The following ZNF385D variants were observed in gnomAD, a reference collection of about 807,000 sequenced individuals.
ZNF385D encodes the protein zinc finger protein 385D.
A neutral mutation model predicts 35.8 loss-of-function variants in ZNF385D; 15 were observed. The observed-to-expected ratio is 0.42, with a 90% CI of 0.28 to 0.64. The LOEUF is 0.64. ZNF385D is among the 30% of genes least tolerant of loss of function. The pLI, the probability that ZNF385D is intolerant of heterozygous loss-of-function variation, is 0.23. For synonymous variants in ZNF385D, 212 were observed against 186.8 expected, an observed-to-expected ratio of 1.13 and a Z score of -1.10; for missense variants, 474 against 494.6, an observed-to-expected ratio of 0.96 and a Z score of 0.39.
At chr3:21,803,255 G>A (rs1489524158) in intron 3 of ZNF385D, among the ~76,000 whole-genome samples, 1 of 152,078 alleles carries the variant, frequency 6.6e-6, no homozygotes, top group African/African-American at 2.4e-5. Context: ...AAAAGATAAA[G>A]GAAGGAAAAC....
At chr3:21,550,736 C>A (rs143636671) in intron 3 of ZNF385D, among the ~76,000 whole-genome samples, 5,182 of 152,274 alleles carry the variant, frequency 0.034, 124 homozygotes, top group South Asian at 0.083. Flanking sequence ...CTGCCCCTGC[C>A]TCCCAAAGTG....
chr3:22,020,522 A>T (rs914671861), intron 3 of ZNF385D, among the ~76,000 whole-genome samples: 11 of 151,968 alleles, frequency 7.2e-5, no homozygotes, highest in African/African-American at 2.7e-4. Flanking sequence ...CAGGTATATG[A>T]AAAAAATGTA....
intron 3 of ZNF385D, among the ~76,000 whole-genome samples, chr3:21,936,457 C>T (rs1046333579): frequency 6.6e-6 from 1 of 151,060 alleles, no homozygotes; most frequent in Admixed American, 6.6e-5. Context: ...ATACTATTTT[C>T]CCTTACTGTT....
intron 2 of ZNF385D, among the ~76,000 whole-genome samples, chr3:21,615,322 C>T (rs531670507): frequency 6.6e-6 from 1 of 151,800 alleles, no homozygotes; most frequent in South Asian, 2.1e-4. Context: ...TCCCGAGGCC[C>T]TCATCAGAAG....
intron 2 of ZNF385D, among the ~76,000 whole-genome samples, chr3:22,215,175 G>A (rs1697789557): frequency 6.6e-6 from 1 of 151,846 alleles, no homozygotes; most frequent in African/African-American, 2.4e-5. Flanking sequence ...CGCCCATGTG[G>A]TCTTTCTTAA....
rs879833293 is a variant in ZNF385D at position 22,244,822 on chromosome 3, A to AT, written c.107-75788dup. 1.4e-3 allele frequency among the ~76,000 whole-genome samples: 207 copies of AT among 148,790 alleles called. 9 individuals carry two copies. The highest frequency in any genetic ancestry group is 3.8e-3 in the South Asian group (17 of 4,516). On this transcript the variant is annotated intron_variant, in intron 2 of 5. Coordinates refer to the ZNF385D transcript ENST00000494108. ...TATTTTGGGGGAATTTTTTTCCTTG[A>AT]TTTTTTTTTTCTCATCTGCTATACA...
chr3:21,997,866 CGCGCGCGTGTGT>C lies in ZNF385D; in HGVS notation c.325+170939_325+170950del, dbSNP rs1486257266. ...TTGATGTTGCTATTTGGCGCGCGCG[CGCGCGCGTGTGT>C]GTGTGTGTGTGTGTGTGTGTGTGTG... is the stretch of plus-strand genomic sequence containing the variant. On this transcript the variant is annotated intron_variant, in intron 3 of 5. Transcript: ENST00000494108. Among the ~76,000 whole-genome samples, 376 of 97,842 alleles carry C rather than the reference CGCGCGCGTGTGT, an allele frequency of 3.8e-3. 1 individual carries two copies. Among genetic ancestry groups the C allele is most frequent in the African/African-American group, 0.012 (352 of 29,330 alleles). The allele number at this position is 97,842 out of a possible 152,430, so 64.2% of individuals were successfully genotyped here. A position where few individuals can be genotyped will look rare whatever the true frequency, so the allele number is the denominator to read the frequency against.
chr3:21,934,728 G>C (rs1206712565), intron 3 of ZNF385D, among the ~76,000 whole-genome samples: 1 of 152,170 alleles, frequency 6.6e-6, no homozygotes, highest in Non-Finnish European at 1.5e-5. Flanking sequence ...CTTCAGTTAA[G>C]GATTAATTAA....
chr3:21,566,544 C>G (rs565572350), intron 2 of ZNF385D, among the ~76,000 whole-genome samples: 1 of 152,060 alleles, frequency 6.6e-6, no homozygotes, highest in Non-Finnish European at 1.5e-5. Context: ...GCAGGAGAAT[C>G]GCTTGAACCC....
intron 3 of ZNF385D, among the ~76,000 whole-genome samples, chr3:22,091,687 C>A (rs1309651726): frequency 6.6e-6 from 1 of 152,164 alleles, no homozygotes; most frequent in African/African-American, 2.4e-5. Flanking sequence ...ACAGAGCCCC[C>A]CGACTGAAGG....
intron 3 of ZNF385D, among the ~76,000 whole-genome samples, chr3:21,540,367 A>G (rs2062143475): frequency 1.3e-5 from 2 of 152,224 alleles, no homozygotes; most frequent in South Asian, 4.1e-4. Flanking sequence ...GCCTTGAAGG[A>G]AAATGCTTTT....
At chr3:21,475,214 A>G (rs1282306216) in intron 4 of ZNF385D, among the ~76,000 whole-genome samples, 2 of 152,016 alleles carry the variant, frequency 1.3e-5, no homozygotes, top group Non-Finnish European at 2.9e-5. Context: ...GGTTTTTGCC[A>G]TTAAAAGTAA....
intron 3 of ZNF385D, among the ~76,000 whole-genome samples, chr3:21,764,431 C>G (rs1210929225): frequency 6.6e-6 from 1 of 152,120 alleles, no homozygotes; most frequent in Non-Finnish European, 1.5e-5. Context: ...GGAAATAAAG[C>G]TCTCGTATAA....
chr3:21,437,276 T>C (rs972895426), intron 4 of ZNF385D, 73 bp from the exon 5 acceptor site: 1 of 1,377,250 alleles, frequency 7.3e-7, no homozygotes, highest in African/African-American at 1.4e-5. Context: ...GAATGTATCA[T>C]GAATATTGCA....
At chr3:22,121,134 C>A (rs1233428545) in intron 3 of ZNF385D, among the ~76,000 whole-genome samples, 1 of 152,182 alleles carries the variant, frequency 6.6e-6, no homozygotes, top group Non-Finnish European at 1.5e-5. Context: ...ATTTTATCAA[C>A]TTCATCAGTA....
chr3:21,781,088 G>A (rs2071471316), intron 3 of ZNF385D, among the ~76,000 whole-genome samples: 1 of 152,056 alleles, frequency 6.6e-6, no homozygotes, highest in Non-Finnish European at 1.5e-5. Flanking sequence ...AGATGGAGAA[G>A]CTAGGAGATA....
At chr3:21,596,505 G>A (rs114830150) in intron 2 of ZNF385D, among the ~76,000 whole-genome samples, 4 of 152,034 alleles carry the variant, frequency 2.6e-5, no homozygotes, top group South Asian at 2.1e-4. Flanking sequence ...AAGCCAAGGG[G>A]TGCAAGTAGT....
intron 3 of ZNF385D, among the ~76,000 whole-genome samples, chr3:22,124,975 T>C (rs1005487861): frequency 3.3e-5 from 5 of 152,128 alleles, no homozygotes; most frequent in Non-Finnish European, 7.4e-5. Context: ...TGGGGTATTA[T>C]TCAAGAAATA....
At chr3:22,076,081 C>T (rs576904626) in intron 3 of ZNF385D, among the ~76,000 whole-genome samples, 10 of 151,972 alleles carry the variant, frequency 6.6e-5, no homozygotes, top group African/African-American at 2.2e-4. Flanking sequence ...ATTTTTTTTA[C>T]GTAGACTATC....
Sources: allele counts gnomAD v4.1 joint callset (sites outside exome capture counted in the v4.1 genomes callset), GRCh38; gene constraint gnomAD v4.1.1; transcripts MANE v1.5; gene names NCBI Gene and HGNC (gene_info 2026-07-23, HGNC 2026-07-21).